Variants in MBOAT4 observed in about 807,000 individuals in gnomAD.
The protein encoded by MBOAT4 is membrane-bound ghrelin O-acyltransferase MBOAT4.
Under a neutral mutation model 13.2 loss-of-function variants are expected in MBOAT4, and 11 were observed. The observed-to-expected ratio is 0.84, with a 90% CI of 0.53 to 1.38. MBOAT4 has a LOEUF of 1.38. Among genes scored for constraint, MBOAT4 ranks in the 40% most tolerant of loss-of-function variants. MBOAT4 has a pLI of 0.00. For missense variants in MBOAT4, 481 were observed against 527.2 expected (o/e 0.91, Z 0.86); for synonymous variants, 202 against 210.3 (o/e 0.96, Z 0.34).
At position 30,138,548 on chromosome 8, in the gene MBOAT4, C is replaced by T. The variant is rs1803198371; in HGVS notation, c.328G>A (p.Glu110Lys). Residue 110 changes from glutamate to lysine, a missense_variant, in exon 2 of 3, where the codon GAG becomes AAG. Coordinates refer to ENST00000320542, the MANE Select transcript of MBOAT4 (RefSeq NM_001100916.2). Reference protein sequence around the residue: ...GLHYTEYYLHEPPSVRFCITL... With the variant: ...GLHYTEYYLHKPPSVRFCITL... Reference sequence around the variant, plus strand: ...GCTGCTTACCTCACAGAAGGAGGCTCATGCAGATAATACTCAGTGTAGTGC... The same window carrying T: ...GCTGCTTACCTCACAGAAGGAGGCTTATGCAGATAATACTCAGTGTAGTGC... 2.6e-6 allele frequency: 4 copies of T among 1,549,302 alleles called. No individual in the cohort carries two copies. The highest frequency in any genetic ancestry group is 1.4e-5 in the African/African-American group (1 of 73,122).
At chr8:30,137,839 G>T in intron 2 of MBOAT4, 2 of 305,890 alleles carry the variant, frequency 6.5e-6, no homozygotes, top group South Asian at 3.6e-5. Context: ...TAGAAATTAT[G>T]GTTTAGGAGT....
chr8:30,132,428 G>A lies in MBOAT4; in HGVS notation c.823C>T (p.Leu275Phe), dbSNP rs142593371. The A allele has an allele frequency of 1.9e-6, 3 of 1,551,652 alleles. No individual in the cohort carries two copies. In the African/African-American group the frequency reaches 4.1e-5, roughly 21 times the overall value. Residue 275 changes from leucine (L) to phenylalanine (F), a missense_variant, in exon 3 of 3, where the codon CTT becomes TTT. Leu to Phe is a conservative substitution (Grantham distance 22). Coordinates refer to ENST00000320542, the MANE Select transcript of MBOAT4 (RefSeq NM_001100916.2). ...LLHAAGFGPE[L>F]GQSPGEEGYV... ...CCCTCCTCTCCAGGGCTCTGACCAA[G>A]CTCAGGCCCAAAGCCCGCTGCGTGG...
intron 2 of MBOAT4, among the ~76,000 whole-genome samples, chr8:30,135,415 A>G (rs1481250715): frequency 6.6e-6 from 1 of 152,214 alleles, no homozygotes; most frequent in Non-Finnish European, 1.5e-5. Context: ...GGTAGTGAAG[A>G]AAAGATAGGA....
At chr8:30,143,456 T>C (rs1803298241) in intron 1 of MBOAT4, among the ~76,000 whole-genome samples, 1 of 151,976 alleles carries the variant, frequency 6.6e-6, no homozygotes, top group South Asian at 2.1e-4. Flanking sequence ...CAGAAAATCA[T>C]GTAGCCATGT....
intron 2 of MBOAT4, among the ~76,000 whole-genome samples, chr8:30,133,159 T>C (rs1292774612): frequency 6.6e-6 from 1 of 152,194 alleles, no homozygotes; most frequent in Non-Finnish European, 1.5e-5. Context: ...TTAAGCAATC[T>C]GCCTGTCTCG....
At chr8:30,134,938 G>T (rs1344457711) in intron 2 of MBOAT4, among the ~76,000 whole-genome samples, 1 of 152,020 alleles carries the variant, frequency 6.6e-6, no homozygotes, top group Non-Finnish European at 1.5e-5. Flanking sequence ...GGAGTGCAGT[G>T]GCACCATCCT....
At chr8:30,141,920 C>G (rs533080540) in intron 1 of MBOAT4, among the ~76,000 whole-genome samples, 1 of 152,312 alleles carries the variant, frequency 6.6e-6, no homozygotes, top group African/African-American at 2.4e-5. Context: ...TTGTGCTTCT[C>G]TTTGAACCTA....
In MBOAT4 at chr8:30,132,957, C is replaced by T. The variant is rs981958963; in HGVS notation, c.345-51G>A. ...TAAAAACACTCTGTATTTATTCTCT[C>T]TCTCTTATTCCAGTCTGTCATACAT... On this transcript the variant is annotated intron_variant, in intron 2 of 2. Coordinates refer to ENST00000320542, the MANE Select transcript of MBOAT4 (RefSeq NM_001100916.2). 3 of 1,458,724 alleles carry T rather than the reference C, an allele frequency of 2.1e-6. No homozygotes were observed. The Admixed American group carries it at 8.0e-5, about 39-fold the overall frequency. 90.4% of individuals were successfully genotyped at this position (1,458,724 alleles called of 1,614,324 possible).
intron 1 of MBOAT4, among the ~76,000 whole-genome samples, chr8:30,139,734 A>C (rs1201417328): frequency 6.6e-6 from 1 of 152,146 alleles, no homozygotes; most frequent in East Asian, 1.9e-4. Flanking sequence ...CAAGGAGGGA[A>C]GATCACTTGA....
Position 30,131,858 on chromosome 8 carries a change from G to C in MBOAT4, c.*85C>G. ...TTAGAAAAAATTTTATTATGGAAAA[G>C]TTCAAATGTATGCATTATCGATGCG... On this transcript the variant is annotated 3_prime_UTR_variant, in exon 3 of 3. Transcript: ENST00000320542. 1.2e-5 allele frequency: 17 copies of C among 1,437,424 alleles called. No individual in the cohort carries two copies. The highest frequency in any genetic ancestry group is 1.6e-5 in the Non-Finnish European group (17 of 1,086,458). The allele number at this position is 1,437,424 out of a possible 1,614,324, so 89.0% of individuals were successfully genotyped here.
intron 2 of MBOAT4, 42 bp from the exon 3 acceptor site, chr8:30,132,948 T>G: frequency 6.8e-7 from 1 of 1,468,804 alleles, no homozygotes; most frequent in Non-Finnish European, 9.0e-7. Flanking sequence ...CACTCTGTAT[T>G]TATTCTCTCT....
At chr8:30,143,850 A>G (rs1803304047) in intron 1 of MBOAT4, among the ~76,000 whole-genome samples, 1 of 152,242 alleles carries the variant, frequency 6.6e-6, no homozygotes, top group Admixed American at 6.5e-5. Flanking sequence ...TCTGAGATCC[A>G]TGGTTGACAG....
chr8:30,135,715 A>C (rs1315385593), intron 2 of MBOAT4, among the ~76,000 whole-genome samples: 1 of 151,976 alleles, frequency 6.6e-6, no homozygotes, highest in African/African-American at 2.4e-5. Flanking sequence ...GGAGTTTGAG[A>C]CCAGCCTGGG....
In MBOAT4 at chr8:30,131,754, C is replaced by G; in HGVS notation, c.*189G>C. ...ACCACATCTTTTTCCTTTTTGTATCCTCAGTACCAGCAGAATAGCTTGCTA... is the reference window on the plus strand; with the variant it reads ...ACCACATCTTTTTCCTTTTTGTATCGTCAGTACCAGCAGAATAGCTTGCTA... On this transcript the variant is annotated 3_prime_UTR_variant, in exon 3 of 3. Coordinates refer to ENST00000320542, the MANE Select transcript of MBOAT4 (RefSeq NM_001100916.2). 1 of 605,336 alleles carries G rather than the reference C, an allele frequency of 1.7e-6. No homozygotes were observed. Among genetic ancestry groups the G allele is most frequent in the South Asian group, 2.2e-5 (1 of 46,166 alleles). The allele number at this position is 605,336 out of a possible 1,614,324, so 37.5% of individuals were successfully genotyped here.
chr8:30,138,798 G>A (rs751895745), intron 1 of MBOAT4, 42 bp from the exon 2 acceptor site: 15 of 1,425,982 alleles, frequency 1.1e-5, no homozygotes, highest in East Asian at 9.9e-5. Flanking sequence ...ACTTAGAACG[G>A]CACAGCAAAG....
rs142478745 is a variant in MBOAT4, at chr8:30,136,253, C to T, written c.344+2279G>A. 1.4e-4 allele frequency among the ~76,000 whole-genome samples: 21 copies of T among 152,214 alleles called. No homozygotes were observed. The East Asian group carries it at 3.9e-3, about 28-fold the overall frequency. The stretch of plus-strand genomic sequence containing the variant: ...GGTTAAATGAGGTCATTAGGATGGG[C>T]GCTAATCCAATATGCACAGAGTCCT... On this transcript the variant is annotated intron_variant, in intron 2 of 2. Transcript: ENST00000320542.
At chr8:30,139,524 G>A (rs992147634) in intron 1 of MBOAT4, among the ~76,000 whole-genome samples, 1 of 152,158 alleles carries the variant, frequency 6.6e-6, no homozygotes, top group Non-Finnish European at 1.5e-5. Context: ...CATTCCAGAG[G>A]CTGACAGAGA....
Position 30,132,036 on chromosome 8 carries a change from G to A in MBOAT4, c.1215C>T (p.Leu405=). The A allele has an allele frequency of 6.4e-7, 1 of 1,551,886 alleles. No individual in the cohort carries two copies. The highest frequency in any genetic ancestry group is 8.7e-7 in the Non-Finnish European group (1 of 1,147,048). ...TGTTGTACGAATTACAGAGCAACCA[G>A]AGAGAGGAGAGACTCCTGACCTCCA... The part of the protein sequence containing the change: ...LAVEVRSLSS[L]WLLCNSYNSV... Residue 405 remains leucine, a synonymous_variant, in exon 3 of 3, where the codon CTC becomes CTT. Transcript: ENST00000320542.
At chr8:30,132,984 A>C (rs372676877) in intron 2 of MBOAT4, 78 bp from the exon 3 acceptor site, 6 of 1,401,832 alleles carry the variant, frequency 4.3e-6, no homozygotes, top group East Asian at 5.0e-5. Context: ...GTCATACATG[A>C]TCTCGCAGGA....
Sources: allele counts gnomAD v4.1 joint callset (sites outside exome capture counted in the v4.1 genomes callset), GRCh38; gene constraint gnomAD v4.1.1; transcripts MANE v1.5; gene names NCBI Gene and HGNC (gene_info 2026-07-23, HGNC 2026-07-21).